Variants in DOP1A observed in about 807,000 individuals in gnomAD.
The protein encoded by DOP1A is DOP1 leucine zipper like protein A.
A neutral mutation model predicts 267.6 loss-of-function variants in DOP1A; 90 were observed. That is an observed-to-expected ratio of 0.34 (90% CI 0.28 to 0.40). The LOEUF is 0.40. Among genes scored for constraint, DOP1A ranks in the 10% least tolerant of loss-of-function variants. The pLI is 1.00. For missense variants in DOP1A, 2,437 were observed against 2,900.4 expected, an observed-to-expected ratio of 0.84 and a Z score of 3.67; for synonymous variants, 932 against 999.1, an observed-to-expected ratio of 0.93 and a Z score of 1.27.
chr6:83,087,140 A>G (rs1769420555), intron 1 of DOP1A, among the ~76,000 whole-genome samples: 1 of 152,098 alleles, frequency 6.6e-6, no homozygotes, highest in Non-Finnish European at 1.5e-5. Context: ...ATAGGTGAAG[A>G]TAGGTTACAG....
chr6:83,090,935 G>T (rs546798746), intron 1 of DOP1A, among the ~76,000 whole-genome samples: 19 of 151,972 alleles, frequency 1.3e-4, no homozygotes, highest in Non-Finnish European at 2.6e-4. Flanking sequence ...TTTGACTATT[G>T]TATTAGTTTT....
chr6:83,122,469 G>A (rs1776521150), intron 11 of DOP1A, among the ~76,000 whole-genome samples: 1 of 151,918 alleles, frequency 6.6e-6, no homozygotes, highest in Non-Finnish European at 1.5e-5. Context: ...GCACAGGGAA[G>A]CAGACAAAAT....
chr6:83,161,701 T>C (rs1409698793), intron 37 of DOP1A, among the ~76,000 whole-genome samples: 4 of 152,202 alleles, frequency 2.6e-5, no homozygotes, highest in Non-Finnish European at 2.9e-5. Flanking sequence ...CTTTTACTTT[T>C]AGTAACAGAA....
chr6:83,078,791 C>T (rs1361062174), intron 1 of DOP1A, among the ~76,000 whole-genome samples: 1 of 152,048 alleles, frequency 6.6e-6, no homozygotes, highest in Admixed American at 6.6e-5. Context: ...TTAAGCAATA[C>T]CTTATTTTGG....
chr6:83,158,749 C>T (rs968878981), intron 36 of DOP1A, 127 bp downstream of exon 36: 36 of 693,444 alleles, frequency 5.2e-5, no homozygotes, highest in African/African-American at 7.4e-5. Context: ...TAATTGATTA[C>T]GTTTGGATAT....
intron 11 of DOP1A, among the ~76,000 whole-genome samples, chr6:83,122,338 A>G (rs972121490): frequency 4.6e-5 from 7 of 151,858 alleles, no homozygotes; most frequent in Non-Finnish European, 8.8e-5. Flanking sequence ...CCCTGATGCA[A>G]TTTCAGTAAT....
intron 1 of DOP1A, among the ~76,000 whole-genome samples, chr6:83,071,800 C>G (rs1410844040): frequency 6.6e-6 from 1 of 152,104 alleles, no homozygotes; most frequent in Non-Finnish European, 1.5e-5. Flanking sequence ...CTGAATGTTA[C>G]TGATGTTACA....
rs1179501618 is a variant in DOP1A at position 83,129,549 on chromosome 6, G to A, written c.2341+41G>A. The A allele has an allele frequency of 7.1e-6, 10 of 1,405,356 alleles. No homozygotes were observed. The Admixed American group carries it at 1.9e-4, about 27-fold the overall frequency. The allele number at this position is 1,405,356 out of a possible 1,614,324, so 87.1% of individuals were successfully genotyped here. On this transcript the variant is annotated intron_variant, in intron 16 of 38. Transcript: ENST00000349129. ...TTTTGCTTATATTTCAGTATTGTCT[G>A]TAGTATGTTTTTTCTTTTTAAAAGA...
chr6:83,127,326 C>T (rs1458648940), intron 15 of DOP1A, among the ~76,000 whole-genome samples: 1 of 152,124 alleles, frequency 6.6e-6, no homozygotes, highest in Admixed American at 6.5e-5. Flanking sequence ...CAGGAATGAA[C>T]AAGGACAGTG....
downstream of DOP1A, chr6:83,170,303 A>G (rs1786839596): frequency 1.2e-6 from 2 of 1,613,926 alleles, no homozygotes; most frequent in Middle Eastern, 1.6e-4. Context: ...ATCCCAGCTT[A>G]CTTGTGAGTC....
At position 83,119,745 on chromosome 6, in the gene DOP1A, G is replaced by A. The variant is rs753467983; in HGVS notation, c.881-3G>A. 1.4e-5 allele frequency: 23 copies of A among 1,606,818 alleles called. No homozygotes were observed. The highest frequency in any genetic ancestry group is 1.9e-5 in the Non-Finnish European group (22 of 1,176,610). Reference sequence around the variant, plus strand: ...AGTAATTTTGTGATTTGTTTCCATGGAGGTTTTGATAACAACGGTGCTATC... The same window carrying A: ...AGTAATTTTGTGATTTGTTTCCATGAAGGTTTTGATAACAACGGTGCTATC... On this transcript the variant is annotated splice_polypyrimidine_tract_variant and splice_region_variant and intron_variant, in intron 8 of 38. Coordinates refer to ENST00000349129, the MANE Select transcript of DOP1A (RefSeq NM_015018.4).
rs947759495 is a variant in DOP1A at position 83,130,002 on chromosome 6, G to C, written c.2342-121G>C. 3.3e-6 allele frequency: 4 copies of C among 1,217,150 alleles called. No homozygotes were observed. The African/African-American group carries it at 4.6e-5, about 14-fold the overall frequency. 75.4% of individuals were successfully genotyped at this position (1,217,150 alleles called of 1,614,324 possible). On this transcript the variant is annotated intron_variant, in intron 16 of 38. Transcript: ENST00000349129. ...AGCTCTAGACTAGGTGAGAAACCAT[G>C]GTTTTGTTAACAGATCAAGGCCTTA... is the stretch of plus-strand genomic sequence containing the variant.
At chr6:83,141,712 T>A (rs1464322477) in intron 23 of DOP1A, among the ~76,000 whole-genome samples, 1 of 152,202 alleles carries the variant, frequency 6.6e-6, no homozygotes, top group African/African-American at 2.4e-5. Context: ...TTTGGCTGAT[T>A]GGTAGCCGTC....
chr6:83,151,982 C>A lies in DOP1A; in HGVS notation c.6004C>A (p.Pro2002Thr), dbSNP rs1039431078. ...ACGAAATCTTGAAGTTAAGCCTTCTCCCAAAATAATGGTAGATGGAACCAA... is the reference window on the plus strand; with the variant it reads ...ACGAAATCTTGAAGTTAAGCCTTCTACCAAAATAATGGTAGATGGAACCAA... ...LRRNLEVKPSPKIMVDGTNLE... is the reference protein window; with the variant it reads ...LRRNLEVKPSTKIMVDGTNLE... Residue 2002 changes from proline (P) to threonine (T), a missense_variant, in exon 29 of 39, where the codon CCC becomes ACC. Coordinates refer to ENST00000349129, the MANE Select transcript of DOP1A (RefSeq NM_015018.4). 6.2e-7 allele frequency: 1 copy of A among 1,613,840 alleles called. No homozygotes were observed. The highest frequency in any genetic ancestry group is 1.7e-5 in the Admixed American group (1 of 60,000).
At chr6:83,081,562 A>G (rs1001283495) in intron 1 of DOP1A, among the ~76,000 whole-genome samples, 2 of 152,246 alleles carry the variant, frequency 1.3e-5, no homozygotes, top group Admixed American at 1.3e-4. Context: ...GGTTATAAAA[A>G]AAAATAGGAC....
intron 25 of DOP1A, among the ~76,000 whole-genome samples, chr6:83,146,168 G>C (rs1780611768): frequency 6.6e-6 from 1 of 152,172 alleles, no homozygotes; most frequent in African/African-American, 2.4e-5. Flanking sequence ...CACACACATT[G>C]CTGTGTTTCT....
chr6:83,128,370 TCTA>T (rs1777516551), intron 15 of DOP1A, among the ~76,000 whole-genome samples: 2 of 152,230 alleles, frequency 1.3e-5, no homozygotes, highest in Admixed American at 1.3e-4. Flanking sequence ...TCCTTTTATT[TCTA>T]CTACCTAATA....
Position 83,138,528 on chromosome 6 carries a change from C to T in DOP1A, c.4486C>T (p.Leu1496Phe). ...GATGAGCATAGAAATTCTGACACTA[C>T]TCTTCACTGAGCTGGCAAAAGTAAT... ...QMMSIEILTL[L>F]FTELAKVIES... is the part of the protein sequence containing the mutation. Residue 1496 changes from leucine to phenylalanine, a missense_variant, in exon 21 of 39, where the codon CTC becomes TTC. Around this residue, in one of 9 missense-constraint regions of DOP1A, gnomAD observed 878 missense variants for 992.9 expected, o/e 0.88. Transcript: ENST00000349129. 1.9e-6 allele frequency: 3 copies of T among 1,613,804 alleles called. No homozygotes were observed. Among genetic ancestry groups the T allele is most frequent in the Non-Finnish European group, 2.5e-6 (3 of 1,179,938 alleles).
At chr6:83,109,121 G>T in intron 5 of DOP1A, 41 bp downstream of exon 5, 1 of 1,582,422 alleles carries the variant, frequency 6.3e-7, no homozygotes, top group Non-Finnish European at 8.6e-7. Flanking sequence ...TGAAGTCATG[G>T]ATTTGTCAGC....
Sources: gnomAD v4.1 joint callset for allele counts (sites outside exome capture counted in the v4.1 genomes callset) on GRCh38, gnomAD v4.1.1 for gene constraint, gnomAD v4.1.1 regional missense constraint, MANE v1.5 for transcripts, NCBI Gene and HGNC (gene_info 2026-07-23, HGNC 2026-07-21) for gene names.